The following EFHD1 variants were observed in gnomAD, a reference collection of about 807,000 sequenced individuals.
EFHD1 encodes the protein EF-hand domain-containing protein D1.
In EFHD1, 10 loss-of-function variants were observed where a neutral mutation model predicts 17.2. The ratio of observed to expected loss-of-function variants is 0.58; its 90% CI spans 0.36 to 0.99. EFHD1 has a LOEUF of 0.99. EFHD1 is among the 50% of genes least tolerant of loss of function. EFHD1 has a pLI of 0.01. For synonymous variants in EFHD1, 153 were observed against 142.0 expected, an observed-to-expected ratio of 1.08 and a Z score of -0.55; for missense variants, 310 against 327.5, an observed-to-expected ratio of 0.95 and a Z score of 0.41.
At chr2:232,636,283 T>G (rs1000659336) in intron 1 of EFHD1, among the ~76,000 whole-genome samples, 1 of 152,222 alleles carries the variant, frequency 6.6e-6, no homozygotes, top group Non-Finnish European at 1.5e-5. Context: ...GCAGGCTTCC[T>G]GGGTTCAAAC....
intron 1 of EFHD1, chr2:232,661,792 C>T (rs1446830979): frequency 2.0e-5 from 3 of 152,078 alleles, no homozygotes; most frequent in Non-Finnish European, 4.4e-5. Context: ...AACTCTTGAC[C>T]TCAGGTGATC....
intron 1 of EFHD1, among the ~76,000 whole-genome samples, 191 bp downstream of exon 1, chr2:232,634,197 G>C (rs1158813916): frequency 6.6e-6 from 1 of 152,130 alleles, no homozygotes; most frequent in Non-Finnish European, 1.5e-5. Context: ...GAAGAGGGGG[G>C]ACACCAGGAG....
chr2:232,618,259 A>T (rs924584971), intron 1 of EFHD1, among the ~76,000 whole-genome samples: 1 of 151,922 alleles, frequency 6.6e-6, no homozygotes, highest in African/African-American at 2.4e-5. Context: ...ACCTCAGGTG[A>T]TCCACCTGCC....
intron 1 of EFHD1, among the ~76,000 whole-genome samples, chr2:232,628,121 C>G (rs776666175): frequency 6.6e-6 from 1 of 152,160 alleles, no homozygotes; most frequent in African/African-American, 2.4e-5. Flanking sequence ...AGTACAGTGA[C>G]GTGATCTCGG....
chr2:232,649,594 C>T (rs972811097), intron 1 of EFHD1, among the ~76,000 whole-genome samples: 4 of 152,218 alleles, frequency 2.6e-5, no homozygotes, highest in Admixed American at 2.6e-4. Context: ...TCCTCATGAC[C>T]GCAGACAAGT....
Position 232,662,826 on chromosome 2 carries a change from C to T in EFHD1, c.327C>T (p.Phe109=), listed in dbSNP as rs772829707. The change falls in exon 2 of 4, where the codon TTC becomes TTT. Residue 109 remains phenylalanine (F), a synonymous_variant. Transcript: ENST00000264059. The stretch of plus-strand genomic sequence containing the variant: ...GGTATGACGCTGGGCGGGATGGCTT[C>T]ATCGACCTGATGGAGCTGAAGCTGA... The part of the protein sequence containing the change: ...FKLYDAGRDG[F]IDLMELKLMM... 2.5e-6 allele frequency: 4 copies of T among 1,584,760 alleles called. No homozygotes were observed. Among genetic ancestry groups the T allele is most frequent in the Admixed American group, 1.8e-5 (1 of 54,950 alleles).
chr2:232,615,456 G>A (rs1693910557), intron 1 of EFHD1, among the ~76,000 whole-genome samples: 1 of 151,476 alleles, frequency 6.6e-6, no homozygotes, highest in Non-Finnish European at 1.5e-5. Flanking sequence ...AATAGATTTG[G>A]TGCTCACCTC....
chr2:232,631,527 T>C (rs1309058791), upstream of EFHD1, among the ~76,000 whole-genome samples: 5 of 151,370 alleles, frequency 3.3e-5, no homozygotes, highest in African/African-American at 1.2e-4. Flanking sequence ...CCCAAGCTGG[T>C]CTCAAACTCC....
At chr2:232,679,182 G>A (rs11681297) in intron 3 of EFHD1, among the ~76,000 whole-genome samples, 22,845 of 152,118 alleles carry the variant, frequency 0.15, 1,836 homozygotes, top group South Asian at 0.23. Context: ...TTAGAACCTC[G>A]GGGGTTTAGA....
chr2:232,679,982 C>A (rs1695247191), intron 3 of EFHD1, among the ~76,000 whole-genome samples: 1 of 151,988 alleles, frequency 6.6e-6, no homozygotes, highest in Non-Finnish European at 1.5e-5. Context: ...ATTTAAATAA[C>A]GTACATAAGG....
rs987265319 is a variant in EFHD1 at position 232,634,091 on chromosome 2, G to T, written c.302+85G>T. The stretch of plus-strand genomic sequence containing the variant: ...TGGTCCGAAGTCCCGGGCCCTGTTT[G>T]TGTGGGGAGGGGTCCCGGGGTGCAG... On this transcript the variant is annotated intron_variant, in intron 1 of 3. Transcript: ENST00000264059. 10 of 1,544,476 alleles carry T rather than the reference G, an allele frequency of 6.5e-6. No homozygotes were observed. In the East Asian group the frequency reaches 2.5e-4, roughly 39 times the overall value.
intron 1 of EFHD1, among the ~76,000 whole-genome samples, chr2:232,652,460 T>A (rs1694675865): frequency 6.6e-6 from 1 of 152,064 alleles, no homozygotes; most frequent in Admixed American, 6.6e-5. Flanking sequence ...AACCCCGGGT[T>A]CATTCTGATC....
chr2:232,612,664 C>T (rs934103745), intron 1 of EFHD1, among the ~76,000 whole-genome samples: 6 of 151,850 alleles, frequency 4.0e-5, no homozygotes, highest in South Asian at 2.1e-4. Flanking sequence ...GGCTCTCATG[C>T]GCTGCTATTG....
intron 1 of EFHD1, among the ~76,000 whole-genome samples, chr2:232,640,497 A>G (rs1242153214): frequency 6.6e-6 from 1 of 152,006 alleles, no homozygotes; most frequent in African/African-American, 2.4e-5. Context: ...CCCCTTTCCA[A>G]CCTGCTATGA....
At chr2:232,613,881 CAT>C (rs1693863607) in intron 1 of EFHD1, among the ~76,000 whole-genome samples, 1 of 101,934 alleles carries the variant, frequency 9.8e-6, no homozygotes, top group Non-Finnish European at 2.3e-5. Flanking sequence ...TATACACACA[CAT>C]ATACACACAC....
At chr2:232,621,264 G>A (rs989925425) in intron 1 of EFHD1, among the ~76,000 whole-genome samples, 2 of 152,024 alleles carry the variant, frequency 1.3e-5, no homozygotes, top group African/African-American at 4.8e-5. Context: ...TATGAAAGGG[G>A]TACACAGAGA....
chr2:232,665,525 G>A (rs1388580381), intron 2 of EFHD1, among the ~76,000 whole-genome samples: 3 of 152,070 alleles, frequency 2.0e-5, no homozygotes, highest in Non-Finnish European at 4.4e-5. Context: ...GGGTTCAAGC[G>A]ATTCCCCTGC....
At chr2:232,680,281 A>AT (rs1233862540) in intron 3 of EFHD1, among the ~76,000 whole-genome samples, 1 of 152,164 alleles carries the variant, frequency 6.6e-6, no homozygotes, top group Non-Finnish European at 1.5e-5. Context: ...TCTAAAAAAA[A>AT]AAAAGTACAT....
At chr2:232,660,398 G>C (rs1694841243) in intron 1 of EFHD1, among the ~76,000 whole-genome samples, 1 of 151,786 alleles carries the variant, frequency 6.6e-6, no homozygotes, top group African/African-American at 2.4e-5. Context: ...ATTTCACCGT[G>C]TTAGCCAGGA....
Sources: allele counts gnomAD v4.1 joint callset (sites outside exome capture counted in the v4.1 genomes callset), GRCh38; gene constraint gnomAD v4.1.1; transcripts MANE v1.5; gene names NCBI Gene and HGNC (gene_info 2026-07-23, HGNC 2026-07-21).